The following SIGLEC8 variants were observed in gnomAD, a reference collection of about 807,000 sequenced individuals.
The protein encoded by SIGLEC8 is sialic acid-binding Ig-like lectin 8.
A neutral mutation model predicts 42.1 loss-of-function variants in SIGLEC8; 32 were observed. The ratio of observed to expected loss-of-function variants is 0.76; its 90% CI spans 0.57 to 1.02. The LOEUF (loss-of-function observed/expected upper bound fraction) is 1.02. Among genes scored for constraint, SIGLEC8 ranks in the 50% least tolerant of loss-of-function variants. SIGLEC8 has a pLI of 0.00. For synonymous variants in SIGLEC8, 262 were observed against 260.3 expected, an observed-to-expected ratio of 1.01 and a Z score of -0.06; for missense variants, 611 against 610.2, an observed-to-expected ratio of 1.00 and a Z score of -0.01.
intron 6 of SIGLEC8, among the ~76,000 whole-genome samples, chr19:51,453,042 G>A (rs1188351375): frequency 6.6e-6 from 1 of 151,984 alleles, no homozygotes; most frequent in Non-Finnish European, 1.5e-5. Flanking sequence ...CATGGTAGGT[G>A]TGGGCCCTGA....
At chr19:51,457,841 T>A in intron 1 of SIGLEC8, 93 bp downstream of exon 1, 1 of 1,549,912 alleles carries the variant, frequency 6.5e-7, no homozygotes, top group Non-Finnish European at 8.8e-7. Context: ...CCGACTTATT[T>A]CAATCCCAAC....
rs1989386692 is a variant in SIGLEC8, at chr19:51,452,436, T to C, written c.1443A>G (p.Ala481=). The change falls in exon 7 of 7, where the codon GCA becomes GCG. Residue 481 remains alanine, a synonymous_variant. Transcript: ENST00000321424. ...SEIKIHKRET[A]ETQACLRNHN... is the part of the protein sequence containing the mutation. ...GATTCCTCAAACAGGCCTGAGTCTC[T>C]GCAGTTTCTCGCTTGTGGATCTTGA... is the stretch of plus-strand genomic sequence containing the variant. 1 of 1,612,984 alleles carries C rather than the reference T, an allele frequency of 6.2e-7. No individual in the cohort carries two copies. Among genetic ancestry groups the C allele is most frequent in the Middle Eastern group, 1.6e-4 (1 of 6,062 alleles).
In SIGLEC8 at chr19:51,457,928, C is replaced by A. The variant is rs770966351; in HGVS notation, c.454+6G>T. On this transcript the variant is annotated splice_donor_region_variant and intron_variant, in intron 1 of 6. Transcript: ENST00000321424. ...CCTGTGGCCTGTGCTGGAGCCCGTG[C>A]CTTACCTGTCACAAACACAGACAGC... 2.9e-5 allele frequency: 47 copies of A among 1,613,538 alleles called. No homozygotes were observed. Among genetic ancestry groups the A allele is most frequent in the South Asian group, 6.6e-5 (6 of 91,052 alleles).
Position 51,452,177 on chromosome 19 carries a change from C to T in SIGLEC8, c.*202G>A, listed in dbSNP as rs1260428404. On this transcript the variant is annotated 3_prime_UTR_variant, in exon 7 of 7. Coordinates refer to ENST00000321424, the MANE Select transcript of SIGLEC8 (RefSeq NM_014442.3). ...CAGAGAGGCAAGTACCACATGACCT[C>T]ATCTCTATGTGGAATCTAAAATAGT... 2.3e-6 allele frequency: 1 copy of T among 443,526 alleles called. No homozygotes were observed. The highest frequency in any genetic ancestry group is 3.8e-5 in the Admixed American group (1 of 26,158). 27.5% of individuals were successfully genotyped at this position (443,526 alleles called of 1,614,324 possible). A position where few individuals can be genotyped will look rare whatever the true frequency, so the allele number is the denominator to read the frequency against.
Position 51,452,586 on chromosome 19 carries a change from A to C in SIGLEC8, c.1293T>G (p.Pro431=), listed in dbSNP as rs114809409. 2.4e-3 allele frequency: 3,732 copies of C among 1,571,174 alleles called. 69 individuals are homozygous for C. In the African/African-American group the frequency reaches 0.044, roughly 19 times the overall value. Residue 431 remains proline (P), a synonymous_variant, in exon 7 of 7, where the codon CCT becomes CCG. Transcript: ENST00000321424. The stretch of plus-strand genomic sequence containing the variant: ...CTGACGAGGGGGCAACAGCTGGGGG[A>C]GGCTTCTTCAGGGGGTTGCCATCTT... ...SWKDGNPLKK[P]PPAVAPSSGE... is the part of the protein sequence containing the mutation.
In SIGLEC8 at chr19:51,452,324, C is replaced by G. The variant is rs1008612087; in HGVS notation, c.*55G>C. ...GTTTTGGTTAGACAGGAGGAGGGAG[C>G]CCTGGTGACCTACTGCATAGCATGG... On this transcript the variant is annotated 3_prime_UTR_variant, in exon 7 of 7. Transcript: ENST00000321424. 6.9e-7 allele frequency: 1 copy of G among 1,446,696 alleles called. No individual in the cohort carries two copies. The highest frequency in any genetic ancestry group is 1.4e-5 in the South Asian group (1 of 69,540). The allele number at this position is 1,446,696 out of a possible 1,614,324, so 89.6% of individuals were successfully genotyped here.
intron 6 of SIGLEC8, chr19:51,453,498 C>T (rs1324525652): frequency 3.3e-6 from 2 of 602,964 alleles, no homozygotes; most frequent in African/African-American, 4.0e-5. Flanking sequence ...GAGTTCGAGA[C>T]CAGCTGGCCG....
intron 6 of SIGLEC8, chr19:51,453,382 T>G: frequency 2.0e-6 from 2 of 985,026 alleles, no homozygotes; most frequent in African/African-American, 1.7e-5. Context: ...TTGAGGGAGG[T>G]GGCAACAAAT....
rs1568515581 is a variant in SIGLEC8, at chr19:51,457,204, A to G, written c.761T>C (p.Val254Ala). Residue 254 changes from valine to alanine, a missense_variant, in exon 3 of 7, where the codon GTC becomes GCC. By Grantham distance (64) the Val-to-Ala change is moderately conservative. Transcript: ENST00000321424. ...SYPPWNLTMT[V>A]FQGDATASTA... ...CCTACCTGTGGCATCTCCTTGGAAG[A>G]CAGTCATGGTCAAGTTCCAAGGAGG... 1 of 1,613,934 alleles carries G rather than the reference A, an allele frequency of 6.2e-7. No homozygotes were observed. The highest frequency in any genetic ancestry group is 8.5e-7 in the Non-Finnish European group (1 of 1,179,900).
chr19:51,455,143 C>G (rs564234104), intron 4 of SIGLEC8, among the ~76,000 whole-genome samples: 69 of 152,340 alleles, frequency 4.5e-4, no homozygotes, highest in Non-Finnish European at 1.3e-4. Flanking sequence ...GTGCCTCATC[C>G]TAGTCTAAGC....
At chr19:51,453,727 A>G in intron 6 of SIGLEC8, 1 of 975,866 alleles carries the variant, frequency 1.0e-6, no homozygotes, top group South Asian at 4.7e-5. Flanking sequence ...ATGAGTATCT[A>G]CATGTAAATT....
rs773715563 is a variant in SIGLEC8, at chr19:51,458,284, AC to A, written c.103del (p.Val35Ter). 14 of 1,614,094 alleles carry A rather than the reference AC, an allele frequency of 8.7e-6. No individual in the cohort carries two copies. The highest frequency in any genetic ancestry group is 1.2e-5 in the Non-Finnish European group (14 of 1,180,002). ...DGYLLQVQEL[V>X]TVQEGLCVHV... ...GACACACAGGCCCTCCTGCACCGTC[AC>A]CAGCTCCTGCACTTGCAGCAAGTAA... On this transcript the variant is annotated frameshift_variant, in exon 1 of 7. Transcript: ENST00000321424. LOFTEE classifies it high-confidence loss of function.
In SIGLEC8 at chr19:51,458,159, C is replaced by A. The variant is rs573412250; in HGVS notation, c.229G>T (p.Ala77Ser). The change falls in exon 1 of 7, where the codon GCT becomes TCT. Residue 77 changes from alanine to serine, a missense_variant. Ala to Ser is a moderately conservative substitution (Grantham distance 99, BLOSUM62 1). Transcript: ENST00000321424. ...FRAGDRPYQD[A>S]PVATNNPDRE... ...TCTGGGTTGTTTGTGGCCACTGGAG[C>A]GTCTTGGTATGGTCTGTCTCCTGCC... The A allele has an allele frequency of 8.7e-6, 14 of 1,614,090 alleles. No homozygotes were observed. In the South Asian group the frequency reaches 1.5e-4, roughly 18 times the overall value.
Position 51,454,127 on chromosome 19 carries a change from C to A in SIGLEC8, c.1245+92G>T. 6.3e-7 allele frequency: 1 copy of A among 1,581,172 alleles called. No individual in the cohort carries two copies. The highest frequency in any genetic ancestry group is 8.6e-7 in the Non-Finnish European group (1 of 1,163,264). On this transcript the variant is annotated intron_variant, in intron 6 of 6. Coordinates refer to ENST00000321424, the MANE Select transcript of SIGLEC8 (RefSeq NM_014442.3). The surrounding 1 kb of genome is among the most constrained non-coding windows in gnomAD (Gnocchi z 4.7). ...GAAGGAGGAGGAGACGAGGAAGTGA[C>A]TTTGGCCATACCAAAGAGAGCGATC...
intron 6 of SIGLEC8, chr19:51,453,830 T>C (rs1989425905): frequency 1.0e-6 from 1 of 984,918 alleles, no homozygotes; most frequent in Non-Finnish European, 1.2e-6. Flanking sequence ...CACAGGTTAG[T>C]GGCGTAAGGA....
rs940023484 is a variant in SIGLEC8 at position 51,454,092 on chromosome 19, C to T, written c.1245+127G>A. Reference sequence around the variant, plus strand: ...CAAGATGGGGGAGTCCTGTAGAAGCCGGCCTGTGGGAAGGAGGAGGAGACG... The same window carrying T: ...CAAGATGGGGGAGTCCTGTAGAAGCTGGCCTGTGGGAAGGAGGAGGAGACG... On this transcript the variant is annotated intron_variant, in intron 6 of 6. Transcript: ENST00000321424. This position sits in a 1 kb window ranked among gnomAD's most constrained non-coding sequence, Gnocchi z 4.7. 35 of 1,490,174 alleles carry T rather than the reference C, an allele frequency of 2.3e-5. No homozygotes were observed. In the Admixed American group the frequency reaches 5.7e-4, roughly 24 times the overall value. 92.3% of individuals were successfully genotyped at this position (1,490,174 alleles called of 1,614,324 possible).
In SIGLEC8 at chr19:51,454,675, A is replaced by C. The variant is rs1268215077; in HGVS notation, c.1148+9T>G. ...GGTCTCTCTCTCCCTCCCCAGGGTCAATGCTCACATGATGAAGATGATGCA... is the reference window on the plus strand; with the variant it reads ...GGTCTCTCTCTCCCTCCCCAGGGTCCATGCTCACATGATGAAGATGATGCA... On this transcript the variant is annotated intron_variant, in intron 5 of 6. Transcript: ENST00000321424. The surrounding 1 kb of genome is among the most constrained non-coding windows in gnomAD (Gnocchi z 4.7). The C allele has an allele frequency of 1.9e-6, 3 of 1,606,630 alleles. No homozygotes were observed. The highest frequency in any genetic ancestry group is 2.6e-6 in the Non-Finnish European group (3 of 1,173,464).
Position 51,454,585 on chromosome 19 carries a change from C to T in SIGLEC8, c.1148+99G>A, listed in dbSNP as rs1989445958. 8.5e-7 allele frequency: 1 copy of T among 1,172,146 alleles called. No individual in the cohort carries two copies. The highest frequency in any genetic ancestry group is 1.3e-6 in the Non-Finnish European group (1 of 789,522). 72.6% of individuals were successfully genotyped at this position (1,172,146 alleles called of 1,614,324 possible). On this transcript the variant is annotated intron_variant, in intron 5 of 6. Transcript: ENST00000321424. This position sits in a 1 kb window ranked among gnomAD's most constrained non-coding sequence, Gnocchi z 4.7. The stretch of plus-strand genomic sequence containing the variant: ...CGTGAGCTCATTCTTGCCCCAAGCC[C>T]TGGACCCATCCAGGTCCTTCCAGCT...
intron 3 of SIGLEC8, among the ~76,000 whole-genome samples, chr19:51,456,856 C>T (rs1989506068): frequency 6.6e-6 from 1 of 152,176 alleles, no homozygotes; most frequent in African/African-American, 2.4e-5. Context: ...TCAGGAGATG[C>T]CTGACAAGAA....
Sources: gnomAD v4.1 joint callset for allele counts (sites outside exome capture counted in the v4.1 genomes callset) on GRCh38, gnomAD v4.1.1 for gene constraint, Gnocchi (gnomAD v3.1) non-coding constraint, MANE v1.5 for transcripts, NCBI Gene and HGNC (gene_info 2026-07-23, HGNC 2026-07-21) for gene names.